ST8SIA5: variants seen among roughly 807,000 people sequenced by gnomAD.
The protein encoded by ST8SIA5 is alpha-2,8-sialyltransferase 8E.
Under a neutral mutation model 40.2 loss-of-function variants are expected in ST8SIA5, and 24 were observed. The observed-to-expected ratio is 0.60, with a 90% CI of 0.43 to 0.84. ST8SIA5 has a LOEUF of 0.84. ST8SIA5 is among the 40% of genes least tolerant of loss of function. The pLI is 0.00. For synonymous variants in ST8SIA5, 198 were observed against 201.8 expected (o/e 0.98, Z 0.16); for missense variants, 465 against 498.5 (o/e 0.93, Z 0.64).
At chr18:46,734,506 A>C (rs189790785) in intron 1 of ST8SIA5, among the ~76,000 whole-genome samples, 1 of 152,136 alleles carries the variant, frequency 6.6e-6, no homozygotes, top group Non-Finnish European at 1.5e-5. Flanking sequence ...CAAAGCCTAA[A>C]TCTTGTCCAG....
At chr18:46,693,650 A>G (rs538974330) in intron 2 of ST8SIA5, among the ~76,000 whole-genome samples, 1 of 152,378 alleles carries the variant, frequency 6.6e-6, no homozygotes, top group African/African-American at 2.4e-5. Context: ...CCCAGCTTCT[A>G]GAACAGTGCT....
In ST8SIA5 at chr18:46,690,766, AC is replaced by A. The variant is rs539991988; in HGVS notation, c.311+1402del. 3.9e-5 allele frequency among the ~76,000 whole-genome samples: 6 copies of A among 152,080 alleles called. No individual in the cohort carries two copies. In the South Asian group the frequency reaches 8.3e-4, roughly 21 times the overall value. On this transcript the variant is annotated intron_variant, in intron 3 of 6. Coordinates refer to ENST00000315087, the MANE Select transcript of ST8SIA5 (RefSeq NM_013305.6). The stretch of plus-strand genomic sequence containing the variant: ...GTAGCTAGGATTACAGGTGTGCACC[AC>A]CACACCTGGCTAATTTCTTTGCATT...
intron 3 of ST8SIA5, among the ~76,000 whole-genome samples, chr18:46,689,476 C>G (rs1003090629): frequency 1.3e-5 from 2 of 152,118 alleles, no homozygotes; most frequent in Non-Finnish European, 2.9e-5. Context: ...CTCTCTTTCT[C>G]TCTGGGCCCT....
At chr18:46,709,408 C>T (rs1385011879) in intron 1 of ST8SIA5, among the ~76,000 whole-genome samples, 3 of 152,176 alleles carry the variant, frequency 2.0e-5, no homozygotes, top group Non-Finnish European at 2.9e-5. Context: ...ATTAATTTCT[C>T]CTGTTATAAT....
intron 1 of ST8SIA5, among the ~76,000 whole-genome samples, chr18:46,751,280 T>C (rs114884736): frequency 3.7e-4 from 57 of 152,362 alleles, no homozygotes; most frequent in African/African-American, 1.3e-3. Flanking sequence ...TCTCCAAGGT[T>C]CATCCATGTT....
chr18:46,741,589 A>G (rs2040086926), intron 1 of ST8SIA5, among the ~76,000 whole-genome samples: 2 of 152,238 alleles, frequency 1.3e-5, no homozygotes, highest in African/African-American at 4.8e-5. Flanking sequence ...TACATCCAAT[A>G]GCATTCAAGA....
intron 1 of ST8SIA5, among the ~76,000 whole-genome samples, chr18:46,707,505 T>C (rs73433065): frequency 0.013 from 1,930 of 152,316 alleles, 36 homozygotes; most frequent in African/African-American, 0.044. Flanking sequence ...CTCTTTCTCC[T>C]GCATCCTCAA....
At chr18:46,713,833 C>T (rs568742059) in intron 1 of ST8SIA5, among the ~76,000 whole-genome samples, 3 of 152,192 alleles carry the variant, frequency 2.0e-5, no homozygotes, top group Admixed American at 2.0e-4. Flanking sequence ...GAACAGATGC[C>T]CCTCTGCCGT....
At chr18:46,685,881 G>A (rs991417432) in intron 5 of ST8SIA5, 67 of 382,632 alleles carry the variant, frequency 1.8e-4, no homozygotes, top group Non-Finnish European at 2.9e-4. Flanking sequence ...GTGCCCAGAG[G>A]ACCTCCCGAC....
intron 1 of ST8SIA5, chr18:46,721,598 G>T: frequency 4.1e-6 from 3 of 738,476 alleles, no homozygotes; most frequent in South Asian, 1.6e-5. Context: ...AGGAGGCGAT[G>T]GTACTGACTC....
At chr18:46,692,338 C>A in intron 2 of ST8SIA5, 83 bp from the exon 3 acceptor site, 2 of 1,240,188 alleles carry the variant, frequency 1.6e-6, no homozygotes, top group Non-Finnish European at 2.4e-6. Flanking sequence ...CCCTCCTGAT[C>A]TCCCATAGGC....
At chr18:46,687,844 G>A (rs994990206) in intron 4 of ST8SIA5, among the ~76,000 whole-genome samples, 13 of 152,138 alleles carry the variant, frequency 8.5e-5, no homozygotes, top group Non-Finnish European at 1.5e-4. Context: ...ATGCTGTCCT[G>A]GGCCCAGAGC....
At chr18:46,691,454 T>C (rs1386009941) in intron 3 of ST8SIA5, 4 of 152,228 alleles carry the variant, frequency 2.6e-5, no homozygotes, top group East Asian at 1.9e-4. Context: ...AAATCCAGTA[T>C]AGACACAAAT....
At chr18:46,732,304 C>G (rs1187178738) in intron 1 of ST8SIA5, among the ~76,000 whole-genome samples, 1 of 152,220 alleles carries the variant, frequency 6.6e-6, no homozygotes, top group Non-Finnish European at 1.5e-5. Context: ...TTAGCTCAAG[C>G]CACCTGGGGG....
rs1397939814 is a variant in ST8SIA5, at chr18:46,679,274, A to G, written c.*768T>C. 6.6e-6 allele frequency: 1 copy of G among 152,230 alleles called. No homozygotes were observed. Among genetic ancestry groups the G allele is most frequent in the African/African-American group, 2.4e-5 (1 of 41,442 alleles). The allele number at this position is 152,230 out of a possible 1,614,324, so 9.4% of individuals were successfully genotyped here. A position where few individuals can be genotyped will look rare whatever the true frequency, so the allele number is the denominator to read the frequency against. ...GGCTGGTTTGGTTTATTTCCTTCTC[A>G]TCAAAAGAGCTAACGCAGGATTGAA... On this transcript the variant is annotated 3_prime_UTR_variant, in exon 7 of 7. Coordinates refer to ENST00000315087, the MANE Select transcript of ST8SIA5 (RefSeq NM_013305.6).
rs1282876709 is a variant in ST8SIA5 at position 46,670,081 on chromosome 18, A to AG, written c.*9960dup. 3.9e-5 allele frequency: 6 copies of AG among 152,048 alleles called. No homozygotes were observed. Among genetic ancestry groups the AG allele is most frequent in the African/African-American group, 1.5e-4 (6 of 41,368 alleles). 9.4% of individuals were successfully genotyped at this position (152,048 alleles called of 1,614,324 possible). Reference sequence around the variant, plus strand: ...GAGACTCCATCTCAAAAAAAAAAAAAGAGTGAGTTTACCCATCTCGCCTAT... The same window carrying AG: ...GAGACTCCATCTCAAAAAAAAAAAAAGGAGTGAGTTTACCCATCTCGCCTAT... On this transcript the variant is annotated 3_prime_UTR_variant, in exon 7 of 7. Coordinates refer to ENST00000315087, the MANE Select transcript of ST8SIA5 (RefSeq NM_013305.6).
At position 46,670,783 on chromosome 18, in the gene ST8SIA5, C is replaced by T. The variant is rs920557015; in HGVS notation, c.*9259G>A. 1.1e-4 allele frequency: 17 copies of T among 151,828 alleles called. No homozygotes were observed. Among genetic ancestry groups the T allele is most frequent in the African/African-American group, 3.6e-4 (15 of 41,328 alleles). 9.4% of individuals were successfully genotyped at this position (151,828 alleles called of 1,614,324 possible). The stretch of plus-strand genomic sequence containing the variant: ...TTTTTTTTTTCCAAAGACAAGCTGT[C>T]GTTGAACAAGTAAACTAGTTTTGGT... On this transcript the variant is annotated 3_prime_UTR_variant, in exon 7 of 7. Coordinates refer to ENST00000315087, the MANE Select transcript of ST8SIA5 (RefSeq NM_013305.6).
rs939076421 is a variant in ST8SIA5 at position 46,670,366 on chromosome 18, A to G, written c.*9676T>C. The stretch of plus-strand genomic sequence containing the variant: ...GTGTTGCTCCCGGGGTTATTATAAC[A>G]TATTCTCCCTCTCTTCCCCACTAAA... On this transcript the variant is annotated 3_prime_UTR_variant, in exon 7 of 7. Transcript: ENST00000315087. 4.6e-5 allele frequency: 7 copies of G among 152,172 alleles called. No homozygotes were observed. Among genetic ancestry groups the G allele is most frequent in the African/African-American group, 1.7e-4 (7 of 41,426 alleles). The allele number at this position is 152,172 out of a possible 1,614,324, so 9.4% of individuals were successfully genotyped here.
chr18:46,748,316 C>A (rs1599155787), intron 1 of ST8SIA5, among the ~76,000 whole-genome samples: 1 of 151,920 alleles, frequency 6.6e-6, no homozygotes, highest in Non-Finnish European at 1.5e-5. Context: ...GTAATCCCAG[C>A]ACTTTGGGAG....
Sources: gnomAD v4.1 joint callset for allele counts (sites outside exome capture counted in the v4.1 genomes callset) on GRCh38, gnomAD v4.1.1 for gene constraint, MANE v1.5 for transcripts, NCBI Gene and HGNC (gene_info 2026-07-23, HGNC 2026-07-21) for gene names.